CD53: variants seen among roughly 807,000 people sequenced by gnomAD.
The protein encoded by CD53 is CD53 molecule.
CD53 carries 20 observed loss-of-function variants against 27.3 expected under a neutral mutation model. The observed-to-expected ratio is 0.73, with a 90% CI of 0.52 to 1.07. The LOEUF is 1.07. Ranked by LOEUF, CD53 falls within the 50% of genes least tolerant of loss-of-function variation. The pLI is 0.00. For missense variants in CD53, 216 were observed against 264.0 expected, an observed-to-expected ratio of 0.82 and a Z score of 1.26; for synonymous variants, 106 against 105.3, an observed-to-expected ratio of 1.01 and a Z score of -0.04.
At chr1:110,887,286 G>A (rs944654685) in intron 1 of CD53, among the ~76,000 whole-genome samples, 4 of 151,976 alleles carry the variant, frequency 2.6e-5, no homozygotes, top group Admixed American at 6.5e-5. Context: ...GGATCGTCTC[G>A]ATCTCCTGAC....
At chr1:110,888,369 C>T (rs1037875249) in intron 1 of CD53, among the ~76,000 whole-genome samples, 5 of 152,216 alleles carry the variant, frequency 3.3e-5, no homozygotes, top group African/African-American at 9.7e-5. Flanking sequence ...TCCTCAAAAT[C>T]TCAGCTCTGC....
chr1:110,887,727 T>G (rs1656684847), intron 1 of CD53, among the ~76,000 whole-genome samples: 2 of 152,218 alleles, frequency 1.3e-5, no homozygotes, highest in South Asian at 4.1e-4. Context: ...CCAGTCTGAC[T>G]GGTGGGAATA....
chr1:110,893,910 G>T (rs1656953656), intron 3 of CD53, among the ~76,000 whole-genome samples: 1 of 152,112 alleles, frequency 6.6e-6, no homozygotes. Flanking sequence ...CATTGTACAG[G>T]GCTCCTCTCA....
chr1:110,879,871 T>A (rs1027851700), intron 1 of CD53, among the ~76,000 whole-genome samples: 14 of 152,210 alleles, frequency 9.2e-5, no homozygotes, highest in Admixed American at 2.6e-4. Flanking sequence ...GCGAGCCTGA[T>A]CGAGGTTCTT....
chr1:110,897,625 T>A (rs546074214), intron 6 of CD53, 184 bp from the exon 7 acceptor site: 1 of 484,416 alleles, frequency 2.1e-6, no homozygotes, highest in Non-Finnish European at 3.7e-6. Context: ...ACCAGAAAAG[T>A]CTGTAGTTTA....
At chr1:110,885,872 A>T (rs1451985494) in intron 1 of CD53, among the ~76,000 whole-genome samples, 1 of 152,190 alleles carries the variant, frequency 6.6e-6, no homozygotes, top group African/African-American at 2.4e-5. Context: ...TCAAAAAAAT[A>T]AAAATAAAAA....
chr1:110,883,500 C>T (rs1335809574), intron 1 of CD53, among the ~76,000 whole-genome samples: 1 of 151,688 alleles, frequency 6.6e-6, no homozygotes, highest in Non-Finnish European at 1.5e-5. Context: ...GAACATTGGC[C>T]CGTGGTTTTA....
At chr1:110,890,514 T>C (rs1245989825) in intron 1 of CD53, among the ~76,000 whole-genome samples, 1 of 151,674 alleles carries the variant, frequency 6.6e-6, no homozygotes, top group Non-Finnish European at 1.5e-5. Context: ...TTGCAGTGAA[T>C]TGAGATTGTG....
At chr1:110,879,352 C>T (rs751381023) in intron 1 of CD53, among the ~76,000 whole-genome samples, 6 of 152,206 alleles carry the variant, frequency 3.9e-5, no homozygotes, top group East Asian at 1.9e-4. Flanking sequence ...CAAGGTCACA[C>T]TTCTGATAAG....
chr1:110,873,918 T>C (rs967026649), intron 1 of CD53, among the ~76,000 whole-genome samples: 20 of 152,202 alleles, frequency 1.3e-4, no homozygotes, highest in Admixed American at 9.8e-4. Context: ...GTACAAAACA[T>C]GACCACTGAT....
At chr1:110,887,791 G>T (rs998665857) in intron 1 of CD53, among the ~76,000 whole-genome samples, 2 of 152,178 alleles carry the variant, frequency 1.3e-5, no homozygotes, top group Non-Finnish European at 2.9e-5. Context: ...CTATCCTTGG[G>T]CAGTTTTGTA....
rs564926473 is a variant in CD53 at position 110,894,478 on chromosome 1, T to C, written c.327+77T>C. On this transcript the variant is annotated intron_variant, in intron 4 of 7. Coordinates refer to ENST00000271324, the MANE Select transcript of CD53 (RefSeq NM_000560.4). Reference sequence around the variant, plus strand: ...TGCAGTGGAGAAGTTGGTACAAAGTTACAGAATAAGTTCTATAATAGAGAT... The same window carrying C: ...TGCAGTGGAGAAGTTGGTACAAAGTCACAGAATAAGTTCTATAATAGAGAT... The C allele has an allele frequency of 2.7e-4, 299 of 1,106,066 alleles. 4 individuals are homozygous for C. In the South Asian group the frequency reaches 3.6e-3, roughly 13 times the overall value. 68.5% of individuals were successfully genotyped at this position (1,106,066 alleles called of 1,614,324 possible).
chr1:110,872,524 G>C (rs1483885394), upstream of CD53, among the ~76,000 whole-genome samples: 2 of 152,214 alleles, frequency 1.3e-5, no homozygotes, highest in African/African-American at 4.8e-5. Flanking sequence ...GGCTCCAAAT[G>C]TGGTGTTTCC....
upstream of CD53, among the ~76,000 whole-genome samples, chr1:110,871,503 T>C (rs1300290615): frequency 6.6e-6 from 1 of 151,954 alleles, no homozygotes; most frequent in African/African-American, 2.4e-5. Flanking sequence ...GCCAAGTTAA[T>C]CAAACTGAAG....
intron 1 of CD53, among the ~76,000 whole-genome samples, chr1:110,889,287 T>C (rs1656752246): frequency 6.6e-6 from 1 of 152,112 alleles, no homozygotes; most frequent in Non-Finnish European, 1.5e-5. Flanking sequence ...CCGGGTGTGG[T>C]GGCTCAAGCC....
chr1:110,898,992 C>T (rs1657187803), intron 7 of CD53, 132 bp from the exon 8 acceptor site: 1 of 647,896 alleles, frequency 1.5e-6, no homozygotes, highest in Non-Finnish European at 2.7e-6. Flanking sequence ...CTGAGAGAGA[C>T]TTGAAAGTAA....
intron 1 of CD53, among the ~76,000 whole-genome samples, chr1:110,873,810 G>T (rs891645898): frequency 6.6e-6 from 1 of 152,186 alleles, no homozygotes; most frequent in Non-Finnish European, 1.5e-5. Context: ...ATTTTAAAAG[G>T]TGAAAGCTAG....
chr1:110,878,601 A>G (rs1285260782), intron 1 of CD53, among the ~76,000 whole-genome samples: 1 of 152,056 alleles, frequency 6.6e-6, no homozygotes, highest in Non-Finnish European at 1.5e-5. Flanking sequence ...TTTGCTTTCT[A>G]TTGCTGGATT....
At chr1:110,880,869 G>A (rs1192004717) in intron 1 of CD53, among the ~76,000 whole-genome samples, 12 of 152,064 alleles carry the variant, frequency 7.9e-5, no homozygotes, top group Non-Finnish European at 1.8e-4. Flanking sequence ...GTGAGGGTTG[G>A]GTGTGAAGAC....
Sources: allele counts gnomAD v4.1 joint callset (sites outside exome capture counted in the v4.1 genomes callset), GRCh38; gene constraint gnomAD v4.1.1; transcripts MANE v1.5; gene names NCBI Gene and HGNC (gene_info 2026-07-23, HGNC 2026-07-21).